The following ANKRD6 variants were observed in gnomAD, a reference collection of about 807,000 sequenced individuals.
The protein encoded by ANKRD6 is ankyrin repeat domain 6.
Under a neutral mutation model 82.3 loss-of-function variants are expected in ANKRD6, and 56 were observed. The ratio of observed to expected loss-of-function variants is 0.68; its 90% confidence interval spans 0.55 to 0.85. The LOEUF (loss-of-function observed/expected upper bound fraction) is 0.85, where lower values mean the gene tolerates loss of function less well. Ranked by LOEUF, ANKRD6 falls within the 40% of genes least tolerant of loss-of-function variation. ANKRD6 has a pLI of 0.00. For synonymous variants in ANKRD6, 347 were observed against 352.1 expected (o/e 0.99, Z 0.16); for missense variants, 852 against 907.6 (o/e 0.94, Z 0.79).
intron 1 of ANKRD6, among the ~76,000 whole-genome samples, chr6:89,442,060 G>T (rs183528933): frequency 6.6e-6 from 1 of 152,138 alleles, no homozygotes; most frequent in East Asian, 1.9e-4. Context: ...GCAGTGGCAT[G>T]ATCTCAGCTC....
chr6:89,520,264 C>T (rs1454226837), intron 1 of ANKRD6, among the ~76,000 whole-genome samples: 2 of 152,208 alleles, frequency 1.3e-5, no homozygotes, highest in Non-Finnish European at 2.9e-5. Context: ...GTATTACAGG[C>T]GTGAAGCACT....
intron 1 of ANKRD6, among the ~76,000 whole-genome samples, chr6:89,474,813 A>G (rs1221360929): frequency 6.6e-6 from 1 of 152,216 alleles, no homozygotes; most frequent in Non-Finnish European, 1.5e-5. Context: ...GAAACCAACC[A>G]TGAGTTGAAT....
intron 1 of ANKRD6, among the ~76,000 whole-genome samples, chr6:89,525,860 C>G (rs1267291168): frequency 6.6e-6 from 1 of 152,202 alleles, no homozygotes; most frequent in Non-Finnish European, 1.5e-5. Context: ...TCAAAACTGG[C>G]TTGAGGTCTG....
In ANKRD6 at chr6:89,444,968, C is replaced by CA. The variant is rs879672860; in HGVS notation, c.-144+11604dup. On this transcript the variant is annotated intron_variant, in intron 1 of 15. Coordinates refer to ENST00000339746, the MANE Select transcript of ANKRD6 (RefSeq NM_001242809.2). Reference sequence around the variant, plus strand: ...GAGTGACAAGAGCGAAACTCCATGTCAAAAAAAAAAATCTATGTAAGACTA... The same window carrying CA: ...GAGTGACAAGAGCGAAACTCCATGTCAAAAAAAAAAAATCTATGTAAGACTA... Among the ~76,000 whole-genome samples the CA allele has an allele frequency of 1.2e-3, 181 of 145,334 alleles. 1 individual carries two copies. The highest frequency in any genetic ancestry group is 3.0e-3 in the African/African-American group (120 of 39,718).
chr6:89,627,668 C>CA lies in ANKRD6; in HGVS notation c.1458dup (p.Glu487ArgfsTer4). ...AACCGCCTGCAACAGCACTCAGACA[C>CA]AGAGAAGCATGAGGGGGAGAAACGA... On this transcript the variant is annotated frameshift_variant, in exon 14 of 16. Transcript: ENST00000339746. LOFTEE classifies it high-confidence loss of function. 6.2e-7 allele frequency: 1 copy of CA among 1,613,702 alleles called. No homozygotes were observed. The highest frequency in any genetic ancestry group is 8.5e-7 in the Non-Finnish European group (1 of 1,179,736).
intron 1 of ANKRD6, among the ~76,000 whole-genome samples, chr6:89,552,006 A>G (rs774291297): frequency 7.2e-5 from 11 of 152,236 alleles, no homozygotes; most frequent in African/African-American, 2.4e-4. Flanking sequence ...TCATAATGAT[A>G]CTGTTGACAA....
At chr6:89,565,415 T>TG (rs550900068) in intron 1 of ANKRD6, 2 of 152,104 alleles carry the variant, frequency 1.3e-5, no homozygotes, top group Admixed American at 6.5e-5. Context: ...TTCACAAGAG[T>TG]GGGGGGTAAG....
At chr6:89,482,059 T>C (rs909868454) in intron 1 of ANKRD6, among the ~76,000 whole-genome samples, 7 of 152,174 alleles carry the variant, frequency 4.6e-5, no homozygotes, top group Admixed American at 1.3e-4. Context: ...TCCAAGCCCC[T>C]GCTCACACAC....
rs1215157852 is a variant in ANKRD6 at position 89,622,014 on chromosome 6, G to A, written c.885G>A (p.Val295=). 1 of 1,612,120 alleles carries A rather than the reference G, an allele frequency of 6.2e-7. No individual in the cohort carries two copies. Among genetic ancestry groups the A allele is most frequent in the African/African-American group, 1.3e-5 (1 of 74,886 alleles). Residue 295 remains valine (V), a synonymous_variant, in exon 10 of 16, where the codon GTG becomes GTA. Transcript: ENST00000339746. ...RRAQSVPRDE[V]AQSKGSVSAG... ...CCCAGTCTGTGCCAAGAGATGAGGT[G>A]GCCCAAAGCAAGGTGGGGGGCAGTC...
rs190366502 is a variant in ANKRD6, at chr6:89,613,141, T to C, written c.517-651T>C. On this transcript the variant is annotated intron_variant, in intron 6 of 15. Coordinates refer to ENST00000339746, the MANE Select transcript of ANKRD6 (RefSeq NM_001242809.2). ...TTTGTCTCCAGTTCTTTATTGTCTT[T>C]GTGGGAACAGGGTTCTGCCTGTTGT... is the stretch of plus-strand genomic sequence containing the variant. 3.2e-3 allele frequency among the ~76,000 whole-genome samples: 487 copies of C among 152,308 alleles called. 2 individuals are homozygous for C. The highest frequency in any genetic ancestry group is 5.9e-3 in the Non-Finnish European group (398 of 68,020).
intron 1 of ANKRD6, among the ~76,000 whole-genome samples, chr6:89,464,420 G>A (rs962539277): frequency 2.0e-5 from 3 of 152,082 alleles, no homozygotes; most frequent in African/African-American, 7.2e-5. Context: ...AATCATCCTT[G>A]CCTCCATACA....
At chr6:89,504,361 T>C (rs1311475792) in intron 1 of ANKRD6, among the ~76,000 whole-genome samples, 4 of 152,084 alleles carry the variant, frequency 2.6e-5, no homozygotes. Context: ...GCTGCTCTTA[T>C]TATTGAGACT....
At chr6:89,603,504 C>A (rs1797748029) in intron 4 of ANKRD6, among the ~76,000 whole-genome samples, 1 of 151,812 alleles carries the variant, frequency 6.6e-6, no homozygotes, top group Admixed American at 6.6e-5. Context: ...TTTTAAAAAT[C>A]TTTTTCCTTG....
intron 1 of ANKRD6, among the ~76,000 whole-genome samples, chr6:89,555,911 A>G (rs984137316): frequency 6.6e-6 from 1 of 151,894 alleles, no homozygotes; most frequent in Non-Finnish European, 1.5e-5. Flanking sequence ...AAGGCGGGGG[A>G]GGGAGAGGGC....
chr6:89,577,395 A>G (rs980422388), intron 2 of ANKRD6, among the ~76,000 whole-genome samples: 3 of 152,158 alleles, frequency 2.0e-5, no homozygotes, highest in Non-Finnish European at 4.4e-5. Flanking sequence ...TTTGCAAGAA[A>G]GCTCTGGTTT....
intron 1 of ANKRD6, among the ~76,000 whole-genome samples, chr6:89,472,090 G>A (rs1582788310): frequency 1.3e-5 from 2 of 152,016 alleles, no homozygotes; most frequent in Non-Finnish European, 2.9e-5. Context: ...TCCCTAGCTT[G>A]CAGATGCAGC....
At chr6:89,485,834 T>G (rs1306201202) in intron 1 of ANKRD6, among the ~76,000 whole-genome samples, 2 of 152,196 alleles carry the variant, frequency 1.3e-5, no homozygotes, top group African/African-American at 2.4e-5. Context: ...TGGATTGTCT[T>G]TTTGTAGAAA....
chr6:89,550,829 G>A (rs904894453), intron 1 of ANKRD6, among the ~76,000 whole-genome samples: 75 of 152,068 alleles, frequency 4.9e-4, no homozygotes, highest in Admixed American at 2.4e-3. Flanking sequence ...GGTGGCGGGC[G>A]CCTGTAGTCC....
chr6:89,623,641 AC>A, intron 11 of ANKRD6, 97 bp downstream of exon 11: 1 of 1,482,470 alleles, frequency 6.7e-7, no homozygotes, highest in Non-Finnish European at 9.0e-7. Flanking sequence ...AAAGCCACTC[AC>A]TTGGCTGGCT....
Sources: allele counts gnomAD v4.1 joint callset (sites outside exome capture counted in the v4.1 genomes callset), GRCh38; gene constraint gnomAD v4.1.1; transcripts MANE v1.5; gene names NCBI Gene and HGNC (gene_info 2026-07-23, HGNC 2026-07-21).